Variants in AFF3 observed in about 807,000 individuals in gnomAD.
AFF3 encodes the protein AF4/FMR2 family member 3.
Under a neutral mutation model 129.7 loss-of-function variants are expected in AFF3, and 32 were observed. The observed-to-expected ratio is 0.25, with a 90% CI of 0.19 to 0.33. AFF3 has a LOEUF of 0.33. AFF3 is among the 10% of genes least tolerant of loss of function. The probability of loss-of-function intolerance (pLI) is 1.00; values close to 1 mark genes in which losing one functional copy is unlikely to be tolerated. For synonymous variants in AFF3, 644 were observed against 635.4 expected, an observed-to-expected ratio of 1.01 and a Z score of -0.20; for missense variants, 1,373 against 1,592.0, an observed-to-expected ratio of 0.86 and a Z score of 2.34.
intron 7 of AFF3, among the ~76,000 whole-genome samples, chr2:99,980,089 A>G (rs1679262471): frequency 6.6e-6 from 1 of 152,184 alleles, no homozygotes; most frequent in African/African-American, 2.4e-5. Context: ...TTGGGTTTAT[A>G]GCACCACTAT....
intron 7 of AFF3, among the ~76,000 whole-genome samples, chr2:99,891,114 T>C (rs1693517903): frequency 6.6e-6 from 1 of 152,116 alleles, no homozygotes; most frequent in South Asian, 2.1e-4. Flanking sequence ...CCTTTATTGT[T>C]TTCCATGGGA....
At chr2:99,810,756 T>C (rs1173285122) in intron 8 of AFF3, among the ~76,000 whole-genome samples, 2 of 152,174 alleles carry the variant, frequency 1.3e-5, no homozygotes, top group Admixed American at 6.5e-5. Flanking sequence ...AAGTTTAAAA[T>C]GCATGAAAAC....
intron 13 of AFF3, among the ~76,000 whole-genome samples, chr2:99,613,798 C>T (rs1331030867): frequency 1.3e-5 from 2 of 152,136 alleles, no homozygotes; most frequent in Non-Finnish European, 2.9e-5. Flanking sequence ...TGAGTATACC[C>T]GTGGTTGCAG....
intron 18 of AFF3, among the ~76,000 whole-genome samples, chr2:99,574,646 C>T (rs1468028192): frequency 1.3e-5 from 2 of 152,166 alleles, no homozygotes; most frequent in Non-Finnish European, 2.9e-5. Context: ...TTGTCTGAAT[C>T]CCATGTTTAT....
chr2:99,819,614 T>C (rs1342999739), intron 8 of AFF3, among the ~76,000 whole-genome samples: 1 of 152,254 alleles, frequency 6.6e-6, no homozygotes, highest in Non-Finnish European at 1.5e-5. Flanking sequence ...TTCACAAATT[T>C]ATCCAGCAAT....
At chr2:100,003,813 C>T (rs576997546) in intron 7 of AFF3, among the ~76,000 whole-genome samples, 1 of 152,084 alleles carries the variant, frequency 6.6e-6, no homozygotes. Context: ...AATTGTTTTT[C>T]TACTACAAGG....
At chr2:99,686,361 C>G (rs1358421536) in intron 11 of AFF3, among the ~76,000 whole-genome samples, 1 of 152,224 alleles carries the variant, frequency 6.6e-6, no homozygotes, top group African/African-American at 2.4e-5. Context: ...TTGAAAACCC[C>G]TACCACTTCA....
At chr2:99,867,159 T>C (rs1691481462) in intron 7 of AFF3, among the ~76,000 whole-genome samples, 1 of 151,918 alleles carries the variant, frequency 6.6e-6, no homozygotes, top group South Asian at 2.1e-4. Flanking sequence ...CAACATAAGG[T>C]GTAGCCATTC....
At chr2:100,044,395 A>G (rs1238325224) in intron 4 of AFF3, among the ~76,000 whole-genome samples, 3 of 152,200 alleles carry the variant, frequency 2.0e-5, no homozygotes, top group Non-Finnish European at 4.4e-5. Context: ...AAATGAAAAC[A>G]CTGAACGTAT....
At chr2:99,997,480 C>CT (rs1468067785) in intron 7 of AFF3, among the ~76,000 whole-genome samples, 1 of 151,766 alleles carries the variant, frequency 6.6e-6, no homozygotes, top group Admixed American at 6.6e-5. Context: ...CTATCACCCC[C>CT]CCCCCAGATT....
intron 8 of AFF3, among the ~76,000 whole-genome samples, chr2:99,753,498 G>A (rs1047313522): frequency 6.6e-6 from 1 of 152,152 alleles, no homozygotes; most frequent in African/African-American, 2.4e-5. Context: ...TCTCGCTCGA[G>A]GTGAGGACAT....
intron 22 of AFF3, among the ~76,000 whole-genome samples, chr2:99,557,855 C>G (rs996594470): frequency 2.0e-5 from 3 of 152,136 alleles, no homozygotes; most frequent in African/African-American, 7.2e-5. Flanking sequence ...GAACAGATCT[C>G]AAATGATGGT....
chr2:100,124,563 T>C (rs895850343), intron 2 of AFF3, among the ~76,000 whole-genome samples: 2 of 151,936 alleles, frequency 1.3e-5, no homozygotes, highest in African/African-American at 2.4e-5. Flanking sequence ...CTCCAGCAAA[T>C]TGTGGTTCCA....
chr2:99,848,403 T>C (rs1367126851), intron 7 of AFF3, among the ~76,000 whole-genome samples: 1 of 152,150 alleles, frequency 6.6e-6, no homozygotes, highest in African/African-American at 2.4e-5. Context: ...GTGTATGAGA[T>C]CCGCCACGTA....
At position 99,671,465 on chromosome 2, in the gene AFF3, A is replaced by G. The variant is rs193092625; in HGVS notation, c.1143+1073T>C. Among the ~76,000 whole-genome samples, 12 of 152,192 alleles carry G rather than the reference A, an allele frequency of 7.9e-5. No individual in the cohort carries two copies. In the East Asian group the frequency reaches 2.1e-3, roughly 27 times the overall value. ...TTCGTGCCTCAGTTTCTCCCATGACATGAGTAACCTCTTCTGTGACCTCAT... is the reference window on the plus strand; with the variant it reads ...TTCGTGCCTCAGTTTCTCCCATGACGTGAGTAACCTCTTCTGTGACCTCAT... On this transcript the variant is annotated intron_variant, in intron 12 of 24. Transcript: ENST00000672756.
At chr2:99,988,013 G>A (rs578094237) in intron 7 of AFF3, among the ~76,000 whole-genome samples, 1 of 152,308 alleles carries the variant, frequency 6.6e-6, no homozygotes, top group Non-Finnish European at 1.5e-5. Context: ...AAGAGAGCAT[G>A]CCAGCCCTCC....
At chr2:99,629,101 A>C (rs969056204) in intron 13 of AFF3, among the ~76,000 whole-genome samples, 8 of 152,066 alleles carry the variant, frequency 5.3e-5, no homozygotes, top group Non-Finnish European at 5.9e-5. Context: ...CAAGTGATCC[A>C]CCTGCCTCGG....
chr2:99,817,630 T>C (rs1469411228), intron 8 of AFF3, among the ~76,000 whole-genome samples: 1 of 152,170 alleles, frequency 6.6e-6, no homozygotes, highest in Non-Finnish European at 1.5e-5. Flanking sequence ...CAAGCAATCT[T>C]TCCACCTAAG....
intron 11 of AFF3, among the ~76,000 whole-genome samples, chr2:99,695,229 C>T (rs564379383): frequency 4.5e-4 from 68 of 152,254 alleles, no homozygotes; most frequent in Non-Finnish European, 4.9e-4. Context: ...GTTTGACAGC[C>T]GCGTGTGCCT....
Sources: gnomAD v4.1 joint callset for allele counts (sites outside exome capture counted in the v4.1 genomes callset) on GRCh38, gnomAD v4.1.1 for gene constraint, MANE v1.5 for transcripts, NCBI Gene and HGNC (gene_info 2026-07-23, HGNC 2026-07-21) for gene names.